The following ZNF713 variants were observed in gnomAD, a reference collection of about 807,000 sequenced individuals.
ZNF713 encodes the protein zinc finger protein 713.
In ZNF713, 21 loss-of-function variants were observed where a neutral mutation model predicts 28.7. The ratio of observed to expected loss-of-function variants is 0.73; its 90% CI spans 0.52 to 1.05. The LOEUF (loss-of-function observed/expected upper bound fraction) is 1.05. Among genes scored for constraint, ZNF713 ranks in the 50% least tolerant of loss-of-function variants. ZNF713 has a pLI of 0.00. For missense variants in ZNF713, 458 were observed against 532.4 expected, an observed-to-expected ratio of 0.86 and a Z score of 1.37; for synonymous variants, 167 against 178.0, an observed-to-expected ratio of 0.94 and a Z score of 0.49.
At chr7:55,904,666 A>G (rs565369061) in intron 1 of ZNF713, among the ~76,000 whole-genome samples, 20 of 152,040 alleles carry the variant, frequency 1.3e-4, no homozygotes, top group African/African-American at 3.9e-4. Flanking sequence ...CTTGAAAAAA[A>G]GAGAGGATGG....
intron 2 of ZNF713, among the ~76,000 whole-genome samples, chr7:55,906,986 G>T (rs544054788): frequency 5.5e-4 from 84 of 152,274 alleles, no homozygotes; most frequent in African/African-American, 1.9e-3. Context: ...TTACAGCTCT[G>T]TGGTCAGAAA....
intron 4 of ZNF713, among the ~76,000 whole-genome samples, chr7:55,921,303 C>A (rs939969606): frequency 2.0e-5 from 3 of 152,176 alleles, no homozygotes; most frequent in Admixed American, 6.5e-5. Context: ...ACTAACACAA[C>A]AACCATTCTG....
chr7:55,923,076 A>G (rs866366571), intron 4 of ZNF713, 86 bp from the exon 5 acceptor site: 5 of 1,437,830 alleles, frequency 3.5e-6, no homozygotes, highest in Middle Eastern at 2.3e-4. Flanking sequence ...TGGCTTAGAT[A>G]ACCTGGTGCT....
intron 6 of ZNF713, among the ~76,000 whole-genome samples, chr7:55,931,067 C>T (rs966019273): frequency 1.3e-5 from 2 of 152,140 alleles, no homozygotes; most frequent in African/African-American, 4.8e-5. Flanking sequence ...GGGTGGATCA[C>T]GTGAGGTCAG....
chr7:55,910,390 T>C (rs1410199552), intron 2 of ZNF713, among the ~76,000 whole-genome samples: 1 of 152,224 alleles, frequency 6.6e-6, no homozygotes, highest in Non-Finnish European at 1.5e-5. Context: ...GGGAATGCTT[T>C]CAACTTTTCC....
chr7:55,908,408 TAGGATTAC>T (rs1030062023), intron 2 of ZNF713, among the ~76,000 whole-genome samples: 1 of 152,126 alleles, frequency 6.6e-6, no homozygotes, highest in Non-Finnish European at 1.5e-5. Flanking sequence ...CCCAAAGTGC[TAGGATTAC>T]AGGCATGAGC....
At chr7:55,928,152 A>G (rs1013143335) in intron 6 of ZNF713, among the ~76,000 whole-genome samples, 2 of 152,134 alleles carry the variant, frequency 1.3e-5, no homozygotes, top group Non-Finnish European at 2.9e-5. Context: ...TACAAGAGTC[A>G]GTGGAAGCTG....
At chr7:55,929,494 T>C (rs1422462385) in intron 6 of ZNF713, among the ~76,000 whole-genome samples, 1 of 152,172 alleles carries the variant, frequency 6.6e-6, no homozygotes, top group East Asian at 1.9e-4. Flanking sequence ...ATATGGTAGA[T>C]AGCCATCTGG....
chr7:55,909,530 T>G (rs958625912), intron 2 of ZNF713, among the ~76,000 whole-genome samples: 2 of 152,224 alleles, frequency 1.3e-5, no homozygotes, highest in Non-Finnish European at 1.5e-5. Context: ...GGCTCTTTTT[T>G]GGTTCCCTAG....
intron 6 of ZNF713, 159 bp downstream of exon 6, chr7:55,923,858 G>T: frequency 1.9e-6 from 1 of 523,036 alleles, no homozygotes; most frequent in Non-Finnish European, 3.4e-6. Context: ...AATTTGAAAT[G>T]GCTGTCTTAT....
chr7:55,901,166 A>G (rs1785568739), intron 1 of ZNF713, among the ~76,000 whole-genome samples: 1 of 152,236 alleles, frequency 6.6e-6, no homozygotes, highest in African/African-American at 2.4e-5. Flanking sequence ...TAATGGATTT[A>G]CAGTTCTGAG....
chr7:55,925,494 G>A (rs978474317), intron 6 of ZNF713, among the ~76,000 whole-genome samples: 1 of 152,086 alleles, frequency 6.6e-6, no homozygotes, highest in Non-Finnish European at 1.5e-5. Context: ...GGTGACGTGC[G>A]CCTGTAGTCC....
chr7:55,887,880 CGGCGGCG>C lies in ZNF713; in HGVS notation c.-583+209_-583+215del, dbSNP rs1785303561. The stretch of plus-strand genomic sequence containing the variant: ...GGGCGGCGGGCGGCGGCGGCGGCGG[CGGCGGCG>C]GGCGGCGGCGGCGGCGGGAGGCGGC... On this transcript the variant is annotated intron_variant, in intron 1 of 6. Coordinates refer to ENST00000429591, the MANE Select transcript of ZNF713 (RefSeq NM_182633.3). Among the ~76,000 whole-genome samples, 6 of 13,992 alleles carry C rather than the reference CGGCGGCG, an allele frequency of 4.3e-4. 2 individuals carry two copies. The highest frequency in any genetic ancestry group is 2.8e-3 in the African/African-American group (6 of 2,138). 9.2% of individuals were successfully genotyped at this position (13,992 alleles called of 152,430 possible).
chr7:55,925,358 T>C (rs13240729), intron 6 of ZNF713, among the ~76,000 whole-genome samples: 124,969 of 152,174 alleles, frequency 0.82, 51,857 homozygotes, highest in East Asian at 0.95. Flanking sequence ...CACAGTGGCT[T>C]ACGCCTGTAA....
chr7:55,922,537 C>CAAA (rs71015126), intron 4 of ZNF713, among the ~76,000 whole-genome samples: 6 of 86,448 alleles, frequency 6.9e-5, no homozygotes, highest in Non-Finnish European at 1.4e-4. Context: ...GACTCTGTCT[C>CAAA]AAAAAAAAAA....
chr7:55,889,418 C>T (rs888608490), intron 1 of ZNF713, among the ~76,000 whole-genome samples: 1 of 152,044 alleles, frequency 6.6e-6, no homozygotes, highest in African/African-American at 2.4e-5. Context: ...TTTCTTTTAA[C>T]TTAAATTGTG....
intron 4 of ZNF713, among the ~76,000 whole-genome samples, chr7:55,916,560 T>C (rs551197420): frequency 2.6e-5 from 4 of 152,366 alleles, no homozygotes; most frequent in African/African-American, 9.6e-5. Flanking sequence ...TTTTTGTCTC[T>C]TTTATTCACT....
intron 1 of ZNF713, among the ~76,000 whole-genome samples, chr7:55,892,968 C>T (rs962688855): frequency 1.5e-4 from 23 of 151,690 alleles, no homozygotes; most frequent in Admixed American, 2.6e-4. Flanking sequence ...CTGCAAGCTC[C>T]GTCTCCCGGG....
At chr7:55,895,345 G>A (rs1484460339) in intron 1 of ZNF713, among the ~76,000 whole-genome samples, 1 of 151,986 alleles carries the variant, frequency 6.6e-6, no homozygotes, top group Non-Finnish European at 1.5e-5. Context: ...CGGGTTTCAG[G>A]CTTGGTGTTG....
Sources: gnomAD v4.1 joint callset for allele counts (sites outside exome capture counted in the v4.1 genomes callset) on GRCh38, gnomAD v4.1.1 for gene constraint, MANE v1.5 for transcripts, NCBI Gene and HGNC (gene_info 2026-07-23, HGNC 2026-07-21) for gene names.